The following ARHGAP18 variants were observed in gnomAD, a reference collection of about 807,000 sequenced individuals.
ARHGAP18 encodes rho GTPase-activating protein 18.
ARHGAP18 carries 67 observed loss-of-function variants against 86.2 expected under a neutral mutation model. That is an observed-to-expected ratio of 0.78 (90% CI 0.64 to 0.95). ARHGAP18 has a LOEUF of 0.95. Ranked by LOEUF, ARHGAP18 falls within the 40% of genes least tolerant of loss-of-function variation. The probability of loss-of-function intolerance (pLI) is 0.00; values close to 1 mark genes in which losing one functional copy is unlikely to be tolerated. For synonymous variants in ARHGAP18, 283 were observed against 280.4 expected, an observed-to-expected ratio of 1.01 and a Z score of -0.09; for missense variants, 691 against 780.4, an observed-to-expected ratio of 0.89 and a Z score of 1.37.
chr6:129,584,645 C>G (rs1788356119), intron 12 of ARHGAP18, among the ~76,000 whole-genome samples: 1 of 152,120 alleles, frequency 6.6e-6, no homozygotes, highest in Non-Finnish European at 1.5e-5. Context: ...CTTACGATGA[C>G]CCCTTTCTAA....
At chr6:129,625,368 T>G (rs1789371030) in intron 5 of ARHGAP18, among the ~76,000 whole-genome samples, 1 of 62,404 alleles carries the variant, frequency 1.6e-5, no homozygotes, top group East Asian at 4.6e-4. Context: ...TATGTATATT[T>G]ATATATATTA....
intron 3 of ARHGAP18, among the ~76,000 whole-genome samples, chr6:129,637,238 C>T (rs573629941): frequency 5.3e-5 from 8 of 152,168 alleles, no homozygotes; most frequent in South Asian, 2.1e-4. Context: ...CTAATTCTTG[C>T]GCTTTTTGTA....
intron 7 of ARHGAP18, among the ~76,000 whole-genome samples, chr6:129,614,867 T>C (rs1481337268): frequency 6.6e-6 from 1 of 152,016 alleles, no homozygotes; most frequent in Non-Finnish European, 1.5e-5. Context: ...AGATTTTGGT[T>C]TCCCAAAGAA....
chr6:129,675,909 C>T lies in ARHGAP18; in HGVS notation c.114-33891G>A, dbSNP rs189771363. On this transcript the variant is annotated intron_variant, in intron 1 of 14. Coordinates refer to ENST00000368149, the MANE Select transcript of ARHGAP18 (RefSeq NM_033515.3). ...CACCCCACCCTCCTCCATTCTTGTC[C>T]GCAATTGGAGGAGCAATTGAATCAC... is the stretch of plus-strand genomic sequence containing the variant. Among the ~76,000 whole-genome samples, 12 of 152,276 alleles carry T rather than the reference C, an allele frequency of 7.9e-5. No homozygotes were observed. The East Asian group carries it at 1.7e-3, about 22-fold the overall frequency.
At position 129,584,012 on chromosome 6, in the gene ARHGAP18, A is replaced by G; in HGVS notation, c.1814T>C (p.Leu605Pro). The change falls in exon 13 of 15, where the codon CTT becomes CCT. Residue 605 changes from leucine to proline, a missense_variant. Physicochemically the swap from Leu to Pro is moderately conservative, Grantham distance 98. Coordinates refer to ENST00000368149, the MANE Select transcript of ARHGAP18 (RefSeq NM_033515.3). Reference sequence around the variant, plus strand: ...CCTTTCTTGGCTGAGAAACCTGGCAAGTACATCACTGGCTTTTAGTTCTTC... The same window carrying G: ...CCTTTCTTGGCTGAGAAACCTGGCAGGTACATCACTGGCTTTTAGTTCTTC... Reference protein sequence around the residue: ...LTEELKASDVLARFLSQESGV... With the variant: ...LTEELKASDVPARFLSQESGV... The G allele has an allele frequency of 6.2e-7, 1 of 1,613,678 alleles. No homozygotes were observed. Among genetic ancestry groups the G allele is most frequent in the Middle Eastern group, 1.7e-4 (1 of 6,056 alleles).
intron 6 of ARHGAP18, among the ~76,000 whole-genome samples, chr6:129,618,123 A>C (rs950743965): frequency 6.6e-6 from 1 of 152,122 alleles, no homozygotes; most frequent in East Asian, 1.9e-4. Context: ...CAAAAAAAAA[A>C]AACCACTCCA....
intron 13 of ARHGAP18, among the ~76,000 whole-genome samples, chr6:129,583,762 G>T (rs1788334050): frequency 6.6e-6 from 1 of 151,934 alleles, no homozygotes; most frequent in South Asian, 2.1e-4. Flanking sequence ...CTTGAATCAG[G>T]CTCAATCTGA....
chr6:129,598,916 G>A (rs1488986463), intron 12 of ARHGAP18: 1 of 187,712 alleles, frequency 5.3e-6, no homozygotes, highest in Admixed American at 6.1e-5. Context: ...CGCACGAGAG[G>A]TAGAGGTAGG....
chr6:129,637,218 C>A (rs1773352571), intron 3 of ARHGAP18, among the ~76,000 whole-genome samples: 1 of 151,356 alleles, frequency 6.6e-6, no homozygotes, highest in African/African-American at 2.4e-5. Flanking sequence ...GCACATGCCA[C>A]CGCACCCAGC....
intron 9 of ARHGAP18, among the ~76,000 whole-genome samples, 200 bp from the exon 10 acceptor site, chr6:129,606,159 C>A (rs1378374234): frequency 1.3e-5 from 2 of 152,220 alleles, no homozygotes; most frequent in Admixed American, 6.5e-5. Context: ...AGCTTCCTCT[C>A]TCTCAGAATG....
At chr6:129,586,660 AT>A (rs1464750332) in intron 12 of ARHGAP18, among the ~76,000 whole-genome samples, 1 of 152,194 alleles carries the variant, frequency 6.6e-6, no homozygotes, top group Non-Finnish European at 1.5e-5. Context: ...AAGTTTTTAT[AT>A]ACAGAAAGTC....
intron 9 of ARHGAP18, among the ~76,000 whole-genome samples, chr6:129,606,223 A>G (rs1562686732): frequency 6.6e-6 from 1 of 152,174 alleles, no homozygotes; most frequent in Non-Finnish European, 1.5e-5. Flanking sequence ...CAGACACACA[A>G]CAGTGCTTTG....
rs999670492 is a variant in ARHGAP18 at position 129,668,116 on chromosome 6, C to A, written c.114-26098G>T. 5.3e-5 allele frequency among the ~76,000 whole-genome samples: 8 copies of A among 152,302 alleles called. No individual in the cohort carries two copies. In the East Asian group the frequency reaches 1.4e-3, roughly 26 times the overall value. On this transcript the variant is annotated intron_variant, in intron 1 of 14. Coordinates refer to ENST00000368149, the MANE Select transcript of ARHGAP18 (RefSeq NM_033515.3). ...AGTTCCCTAGTCAGCTACCTGCCAT[C>A]CATTTGGAATTATCGTGTAACAAGC... is the stretch of plus-strand genomic sequence containing the variant.
chr6:129,636,824 C>A lies in ARHGAP18; in HGVS notation c.552+1570G>T, dbSNP rs1157498228. On this transcript the variant is annotated intron_variant, in intron 3 of 14. Transcript: ENST00000368149. The stretch of plus-strand genomic sequence containing the variant: ...CCTGGGAGGGGGAGGTTGCAGTGAG[C>A]CGAGATTGCACTCAAGCCAGAATGT... Among the ~76,000 whole-genome samples, 7 of 152,310 alleles carry A rather than the reference C, an allele frequency of 4.6e-5. No homozygotes were observed. The East Asian group carries it at 1.4e-3, about 29-fold the overall frequency.
At chr6:129,686,245 TCCCAAACCC>T (rs1774422343) in intron 1 of ARHGAP18, among the ~76,000 whole-genome samples, 2 of 128,202 alleles carry the variant, frequency 1.6e-5, no homozygotes, top group African/African-American at 5.2e-5. Context: ...ACTCCCACGC[TCCCAAACCC>T]TCCTACCATG....
At chr6:129,708,771 G>T (rs1223217355) in intron 1 of ARHGAP18, among the ~76,000 whole-genome samples, 1 of 152,206 alleles carries the variant, frequency 6.6e-6, no homozygotes, top group Non-Finnish European at 1.5e-5. Flanking sequence ...ACTGCTTAAT[G>T]ATTACTAATA....
At chr6:129,580,962 T>C (rs894667987) in intron 13 of ARHGAP18, among the ~76,000 whole-genome samples, 1 of 152,172 alleles carries the variant, frequency 6.6e-6, no homozygotes, top group African/African-American at 2.4e-5. Context: ...AAGCAAATTA[T>C]GTCATTATCT....
intron 7 of ARHGAP18, among the ~76,000 whole-genome samples, chr6:129,615,222 T>A (rs1789070611): frequency 6.6e-6 from 1 of 152,212 alleles, no homozygotes; most frequent in East Asian, 1.9e-4. Context: ...CCTGTATTTG[T>A]CAGCCTCCTC....
At position 129,576,474 on chromosome 6, in the gene ARHGAP18, A is replaced by AT. The variant is rs1205537990; in HGVS notation, c.*2038dup. 3.3e-5 allele frequency: 5 copies of AT among 152,178 alleles called. No individual in the cohort carries two copies. The highest frequency in any genetic ancestry group is 1.5e-5 in the Non-Finnish European group (1 of 68,018). The allele number at this position is 152,178 out of a possible 1,614,324, so 9.4% of individuals were successfully genotyped here. A position where few individuals can be genotyped will look rare whatever the true frequency, so the allele number is the denominator to read the frequency against. ...AGACCCTGTCTCTAAAAAATTTGAG[A>AT]TTTTTTAAAGTCCATATTTTTTTGT... On this transcript the variant is annotated 3_prime_UTR_variant, in exon 15 of 15. Coordinates refer to ENST00000368149, the MANE Select transcript of ARHGAP18 (RefSeq NM_033515.3).
Sources: gnomAD v4.1 joint callset for allele counts (sites outside exome capture counted in the v4.1 genomes callset) on GRCh38, gnomAD v4.1.1 for gene constraint, MANE v1.5 for transcripts, NCBI Gene and HGNC (gene_info 2026-07-23, HGNC 2026-07-21) for gene names.